The following RUFY3 variants were observed in gnomAD, a reference collection of about 807,000 sequenced individuals.
RUFY3 encodes the protein protein RUFY3.
A neutral mutation model predicts 84.0 loss-of-function variants in RUFY3; 34 were observed. The ratio of observed to expected loss-of-function variants is 0.40; its 90% confidence interval spans 0.31 to 0.54. RUFY3 has a LOEUF of 0.54. Ranked by LOEUF, RUFY3 falls within the 20% of genes least tolerant of loss-of-function variation. RUFY3 has a pLI of 0.39. For missense variants in RUFY3, 507 were observed against 736.8 expected, an observed-to-expected ratio of 0.69 and a Z score of 3.61; for synonymous variants, 242 against 252.9, an observed-to-expected ratio of 0.96 and a Z score of 0.41.
chr4:70,773,369 G>A, intron 5 of RUFY3, 142 bp from the exon 6 acceptor site: 4 of 605,462 alleles, frequency 6.6e-6, no homozygotes, highest in Non-Finnish European at 1.2e-5. Flanking sequence ...TAAACTGAAA[G>A]TAAAACAGTA....
At chr4:70,716,036 C>A (rs1741558468) in intron 1 of RUFY3, among the ~76,000 whole-genome samples, 1 of 152,098 alleles carries the variant, frequency 6.6e-6, no homozygotes, top group Non-Finnish European at 1.5e-5. Context: ...ATCACTTGAA[C>A]CCGGCAGGTG....
Position 70,722,434 on chromosome 4 carries a change from TC to T in RUFY3, c.-135del. On this transcript the variant is annotated 5_prime_UTR_variant, in exon 1 of 18. Transcript: ENST00000381006. The stretch of plus-strand genomic sequence containing the variant: ...TTTTCCTTTTTTTTTTTTTTAAACC[TC>T]CCCCACCCTTTTCCTGAAAGCTTTG... 1 of 1,332,556 alleles carries T rather than the reference TC, an allele frequency of 7.5e-7. No homozygotes were observed. The allele number at this position is 1,332,556 out of a possible 1,614,324, so 82.5% of individuals were successfully genotyped here. A position where few individuals can be genotyped will look rare whatever the true frequency, so the allele number is the denominator to read the frequency against.
At chr4:70,730,331 T>G (rs533433450) in intron 1 of RUFY3, among the ~76,000 whole-genome samples, 2 of 152,274 alleles carry the variant, frequency 1.3e-5, no homozygotes, top group Admixed American at 1.3e-4. Flanking sequence ...CTGGCCTGAT[T>G]AGTTACTTTC....
At chr4:70,803,090 T>C (rs1464229375) in intron 16 of RUFY3, 107 bp downstream of exon 16, 1 of 754,642 alleles carries the variant, frequency 1.3e-6, no homozygotes, top group African/African-American at 1.8e-5. Flanking sequence ...GTGAATACAG[T>C]GTGCCATCCT....
chr4:70,758,765 G>A (rs1033757707), intron 1 of RUFY3, among the ~76,000 whole-genome samples: 2 of 152,036 alleles, frequency 1.3e-5, no homozygotes, highest in South Asian at 2.1e-4. Flanking sequence ...ATTGCCAGGC[G>A]TGGTGGCTCA....
At chr4:70,727,991 A>G (rs55796555) in intron 1 of RUFY3, among the ~76,000 whole-genome samples, 28,535 of 152,056 alleles carry the variant, frequency 0.19, 5,663 homozygotes, top group African/African-American at 0.5. Flanking sequence ...GTTAATAAAA[A>G]TTTTTACACT....
At position 70,763,653 on chromosome 4, in the gene RUFY3, G is replaced by A; in HGVS notation, c.454G>A (p.Asp152Asn). Residue 152 changes from aspartate (D) to asparagine (N), a missense_variant, in exon 3 of 18, where the codon GAT becomes AAT. By Grantham distance (23) the Asp-to-Asn change is conservative. Transcript: ENST00000381006. ...CGCAGAGATAACAGCAAGTGTTAAA[G>A]ATCTTCCAGGACTTAAGTAAGTCTA... ...EAAEITASVK[D>N]LPGLKTPVGR... The A allele has an allele frequency of 6.2e-7, 1 of 1,611,910 alleles. No homozygotes were observed. The highest frequency in any genetic ancestry group is 8.5e-7 in the Non-Finnish European group (1 of 1,178,886).
Position 70,762,703 on chromosome 4 carries a change from A to AC in RUFY3, c.352+15dup. 6.2e-7 allele frequency: 1 copy of AC among 1,603,058 alleles called. No individual in the cohort carries two copies. The highest frequency in any genetic ancestry group is 8.5e-7 in the Non-Finnish European group (1 of 1,172,388). On this transcript the variant is annotated intron_variant, in intron 2 of 17. Coordinates refer to ENST00000381006, the MANE Select transcript of RUFY3 (RefSeq NM_001037442.4). Reference sequence around the variant, plus strand: ...AACATGGCTTGAAAGGTAGGCCATCACCCCAAAATGCAAATATGCATGCAG... The same window carrying AC: ...AACATGGCTTGAAAGGTAGGCCATCACCCCCAAAATGCAAATATGCATGCAG...
chr4:70,772,681 AC>A (rs1184847035), intron 5 of RUFY3, among the ~76,000 whole-genome samples: 1 of 150,130 alleles, frequency 6.7e-6, no homozygotes, highest in East Asian at 1.9e-4. Flanking sequence ...TTTTTTTGAG[AC>A]GGAGTTTTGC....
At chr4:70,746,270 G>A (rs910976426) in intron 1 of RUFY3, among the ~76,000 whole-genome samples, 93 of 152,166 alleles carry the variant, frequency 6.1e-4, no homozygotes, top group African/African-American at 2.1e-3. Context: ...CTTGAGCCCG[G>A]GAGGCGGAGG....
chr4:70,730,037 C>T lies in RUFY3; in HGVS notation c.178+7286C>T, dbSNP rs545465847. Among the ~76,000 whole-genome samples, 115 of 150,714 alleles carry T rather than the reference C, an allele frequency of 7.6e-4. 1 individual carries two copies. Among genetic ancestry groups the T allele is most frequent in the African/African-American group, 2.6e-3 (108 of 41,088 alleles). On this transcript the variant is annotated intron_variant, in intron 1 of 17. Transcript: ENST00000381006. ...ACAACCCCTGCCTCCCCAGTTCAAGCGATTCTCCTGCCTCAGCCTCCCAAA... is the reference window on the plus strand; with the variant it reads ...ACAACCCCTGCCTCCCCAGTTCAAGTGATTCTCCTGCCTCAGCCTCCCAAA...
intron 14 of RUFY3, among the ~76,000 whole-genome samples, chr4:70,797,418 T>C (rs1348581867): frequency 1.3e-5 from 2 of 152,184 alleles, no homozygotes; most frequent in African/African-American, 2.4e-5. Context: ...CTCTAGTATA[T>C]AACAAAGCAG....
intron 1 of RUFY3, among the ~76,000 whole-genome samples, chr4:70,760,558 T>G (rs1468042630): frequency 6.6e-6 from 1 of 152,036 alleles, no homozygotes; most frequent in Non-Finnish European, 1.5e-5. Flanking sequence ...AGCTCTATTT[T>G]TTTTTTTTGA....
At chr4:70,772,221 T>C (rs1352823801) in intron 5 of RUFY3, among the ~76,000 whole-genome samples, 1 of 152,032 alleles carries the variant, frequency 6.6e-6, no homozygotes, top group African/African-American at 2.4e-5. Flanking sequence ...ACAGTTGTCC[T>C]TCAGTGTCCA....
At chr4:70,784,114 TA>T (rs1451264352) in intron 9 of RUFY3, among the ~76,000 whole-genome samples, 1 of 152,246 alleles carries the variant, frequency 6.6e-6, no homozygotes. Flanking sequence ...TGCTTGTTTT[TA>T]TCTGTGATCT....
chr4:70,804,231 A>C, intron 16 of RUFY3, 117 bp from the exon 17 acceptor site: 1 of 734,340 alleles, frequency 1.4e-6, no homozygotes, highest in East Asian at 2.7e-5. Flanking sequence ...TAATTGGTTT[A>C]GTTTCCAGAT....
chr4:70,705,005 G>A, exon 1 of RUFY3: 1 of 1,225,370 alleles, frequency 8.2e-7, no homozygotes, highest in Non-Finnish European at 1.0e-6. Context: ...CGAGGGGCGG[G>A]GAGTGGCGGC....
In RUFY3 at chr4:70,806,529, A is replaced by G; in HGVS notation, c.1733A>G (p.Asn578Ser). 1 of 1,614,158 alleles carries G rather than the reference A, an allele frequency of 6.2e-7. No individual in the cohort carries two copies. The highest frequency in any genetic ancestry group is 8.5e-7 in the Non-Finnish European group (1 of 1,179,998). The change falls in exon 18 of 18, where the codon AAC becomes AGC. Residue 578 changes from asparagine to serine, a missense_variant. Asn to Ser is a conservative substitution (Grantham distance 46, BLOSUM62 1). Transcript: ENST00000381006. ...CTCTTCTCATAGAATGTGTGTAAGA[A>G]CTGCAGCGGAACCTTCTGTGATGCC... ...DGSLTKNVCK[N>S]CSGTFCDACS...
intron 1 of RUFY3, among the ~76,000 whole-genome samples, chr4:70,732,481 A>G (rs1021474281): frequency 6.6e-6 from 1 of 152,190 alleles, no homozygotes; most frequent in Non-Finnish European, 1.5e-5. Context: ...GGCACTATTC[A>G]TAGTAGCAAA....
Sources: gnomAD v4.1 joint callset for allele counts (sites outside exome capture counted in the v4.1 genomes callset) on GRCh38, gnomAD v4.1.1 for gene constraint, MANE v1.5 for transcripts, NCBI Gene and HGNC (gene_info 2026-07-23, HGNC 2026-07-21) for gene names.